DCDC1: variants seen among roughly 807,000 people sequenced by gnomAD.
The protein encoded by DCDC1 is doublecortin domain containing 1, also known as doublecortin domain-containing protein 1.
Under a neutral mutation model 178.3 loss-of-function variants are expected in DCDC1, and 200 were observed. The ratio of observed to expected loss-of-function variants is 1.12; its 90% confidence interval spans 1.00 to 1.26. DCDC1 has a LOEUF of 1.26. Ranked by LOEUF, DCDC1 falls within the 50% of genes most tolerant of loss-of-function variation. The pLI, the probability that DCDC1 is intolerant of heterozygous loss-of-function variation, is 0.00. For missense variants in DCDC1, 1,983 were observed against 1,749.2 expected (o/e 1.13, Z -2.38); for synonymous variants, 690 against 604.8 (o/e 1.14, Z -2.07).
intron 38 of DCDC1, among the ~76,000 whole-genome samples, chr11:30,866,665 C>T (rs1941003428): frequency 6.6e-6 from 1 of 152,102 alleles, no homozygotes; most frequent in Admixed American, 6.5e-5. Flanking sequence ...TCAGTGCTGC[C>T]AACACCTTGA....
intron 17 of DCDC1, among the ~76,000 whole-genome samples, chr11:31,079,486 T>C (rs1286111932): frequency 6.6e-6 from 1 of 151,840 alleles, no homozygotes; most frequent in Non-Finnish European, 1.5e-5. Context: ...AACGAGGGGG[T>C]CATGAGAATC....
At chr11:31,368,653 T>A (rs1311733046) in intron 1 of DCDC1, among the ~76,000 whole-genome samples, 2 of 152,222 alleles carry the variant, frequency 1.3e-5, no homozygotes, top group East Asian at 3.8e-4. Context: ...ATTAAATAAC[T>A]GATCATATTA....
chr11:31,030,610 T>C (rs534375189), intron 20 of DCDC1, among the ~76,000 whole-genome samples: 7 of 152,168 alleles, frequency 4.6e-5, no homozygotes, highest in Non-Finnish European at 1.0e-4. Context: ...AGCAAGACAC[T>C]GTCAGGAATA....
At chr11:31,208,643 GCT>G (rs1972141273) in intron 9 of DCDC1, among the ~76,000 whole-genome samples, 1 of 152,068 alleles carries the variant, frequency 6.6e-6, no homozygotes, top group Non-Finnish European at 1.5e-5. Context: ...GCTCCACAAA[GCT>G]CTCTATGATC....
chr11:31,161,490 T>C (rs1966310180), intron 9 of DCDC1, among the ~76,000 whole-genome samples: 1 of 152,210 alleles, frequency 6.6e-6, no homozygotes, highest in East Asian at 1.9e-4. Context: ...CAGATCTTTG[T>C]TGAATGGCTC....
rs371952529 is a variant in DCDC1, at chr11:31,266,537, A to G, written c.961-937T>C. ...TAAAATATATTCCAAATTGAAATTGAAAGTGCTCTGCCATCCATTTTTGAC... is the reference window on the plus strand; with the variant it reads ...TAAAATATATTCCAAATTGAAATTGGAAGTGCTCTGCCATCCATTTTTGAC... On this transcript the variant is annotated intron_variant, in intron 7 of 38. Transcript: ENST00000684477. 2.2e-3 allele frequency among the ~76,000 whole-genome samples: 331 copies of G among 152,328 alleles called. 2 individuals carry two copies. The highest frequency in any genetic ancestry group is 7.3e-3 in the African/African-American group (303 of 41,578).
chr11:30,951,477 G>C (rs1948418322), intron 21 of DCDC1, among the ~76,000 whole-genome samples: 1 of 152,068 alleles, frequency 6.6e-6, no homozygotes, highest in South Asian at 2.1e-4. Context: ...CAGGTGGAAG[G>C]ACTGGAACAT....
chr11:31,313,527 A>G (rs1424504586), intron 3 of DCDC1, among the ~76,000 whole-genome samples: 1 of 152,116 alleles, frequency 6.6e-6, no homozygotes, highest in Non-Finnish European at 1.5e-5. Flanking sequence ...GTGCTTCTTG[A>G]GAACTATTAA....
intron 9 of DCDC1, among the ~76,000 whole-genome samples, chr11:31,174,446 C>A (rs1967708944): frequency 6.6e-6 from 1 of 152,212 alleles, no homozygotes; most frequent in Non-Finnish European, 1.5e-5. Context: ...CTGAGGGCAG[C>A]TCGGTGCTGG....
At chr11:30,987,441 A>C (rs962366153) in intron 20 of DCDC1, among the ~76,000 whole-genome samples, 1 of 152,212 alleles carries the variant, frequency 6.6e-6, no homozygotes, top group Non-Finnish European at 1.5e-5. Context: ...GAACAAGACA[A>C]ACATTTTTAC....
chr11:31,141,320 AC>A (rs1459096875), intron 9 of DCDC1, among the ~76,000 whole-genome samples: 2 of 152,188 alleles, frequency 1.3e-5, no homozygotes, highest in Non-Finnish European at 2.9e-5. Context: ...TGTTGTGTCT[AC>A]CTAATTCATA....
rs865904688 is a variant in DCDC1, at chr11:31,307,687, G to C, written c.386C>G (p.Ser129Ter). ...GACAGGTCTGTTTCTCTTGGATGCT[G>C]ATATAGAACAAGAATTGTTTTTACT... Reference protein sequence around the residue: ...SNSKNNSCSISASKRNRPVSA... With the variant: ...SNSKNNSCSI Residue 129 changes from serine to a stop codon, truncating the protein, a stop_gained, in exon 4 of 39, where the codon TCA becomes TGA. Coordinates refer to ENST00000684477, the MANE Select transcript of DCDC1 (RefSeq NM_001387274.1). LOFTEE classifies it high-confidence loss of function. 4 of 1,613,938 alleles carry C rather than the reference G, an allele frequency of 2.5e-6. No homozygotes were observed. The highest frequency in any genetic ancestry group is 3.4e-6 in the Non-Finnish European group (4 of 1,179,970).
intron 8 of DCDC1, among the ~76,000 whole-genome samples, chr11:31,254,567 G>A (rs1461794913): frequency 6.6e-6 from 1 of 152,190 alleles, no homozygotes; most frequent in Non-Finnish European, 1.5e-5. Flanking sequence ...TATTGCCACA[G>A]TAATATTGCA....
At chr11:31,130,560 G>A (rs906843785) in intron 10 of DCDC1, among the ~76,000 whole-genome samples, 2 of 152,162 alleles carry the variant, frequency 1.3e-5, no homozygotes, top group Non-Finnish European at 2.9e-5. Flanking sequence ...AACATGTAAA[G>A]TGAGCAAAAA....
chr11:31,009,937 T>C (rs1276349199), intron 20 of DCDC1, among the ~76,000 whole-genome samples: 1 of 152,142 alleles, frequency 6.6e-6, no homozygotes, highest in Non-Finnish European at 1.5e-5. Flanking sequence ...GGAAAGCCCC[T>C]TATAAAACCA....
intron 6 of DCDC1, among the ~76,000 whole-genome samples, 191 bp from the exon 7 acceptor site, chr11:31,291,043 T>A (rs557611907): frequency 3.6e-4 from 55 of 152,144 alleles, no homozygotes; most frequent in Middle Eastern, 6.8e-3. Flanking sequence ...TCTGCTCTGA[T>A]AGCCTGCATA....
At position 30,884,179 on chromosome 11, in the gene DCDC1, G is replaced by A. The variant is rs867303813; in HGVS notation, c.5083-2871C>T. ...CTCCCGAGTATCTGGGACTACAGGC[G>A]TGCACCACCATGTCCGGCTAATTTT... On this transcript the variant is annotated intron_variant, in intron 36 of 38. Coordinates refer to ENST00000684477, the MANE Select transcript of DCDC1 (RefSeq NM_001387274.1). Among the ~76,000 whole-genome samples, 9 of 151,664 alleles carry A rather than the reference G, an allele frequency of 5.9e-5. No homozygotes were observed. In the East Asian group the frequency reaches 7.8e-4, roughly 13 times the overall value.
At chr11:31,229,971 A>G (rs372534673) in intron 9 of DCDC1, among the ~76,000 whole-genome samples, 1 of 152,300 alleles carries the variant, frequency 6.6e-6, no homozygotes, top group African/African-American at 2.4e-5. Context: ...GCCCACTCTC[A>G]CCACTACTAT....
chr11:30,896,193 T>C (rs1008058571), intron 34 of DCDC1, among the ~76,000 whole-genome samples: 2 of 152,234 alleles, frequency 1.3e-5, no homozygotes, highest in Admixed American at 6.5e-5. Flanking sequence ...TGCAATAATG[T>C]ATTGAACGAA....
Sources: gnomAD v4.1 joint callset for allele counts (sites outside exome capture counted in the v4.1 genomes callset) on GRCh38, gnomAD v4.1.1 for gene constraint, MANE v1.5 for transcripts, NCBI Gene and HGNC (gene_info 2026-07-23, HGNC 2026-07-21) for gene names.